The following NSUN3 variants were observed in gnomAD, a reference collection of about 807,000 sequenced individuals.
NSUN3 encodes the protein NOP2/Sun RNA methyltransferase 3.
NSUN3 carries 24 observed loss-of-function variants against 36.8 expected under a neutral mutation model. The ratio of observed to expected loss-of-function variants is 0.65; its 90% confidence interval spans 0.47 to 0.92. The LOEUF is 0.92. Ranked by LOEUF, NSUN3 falls within the 40% of genes least tolerant of loss-of-function variation. NSUN3 has a pLI of 0.00. For missense variants in NSUN3, 381 were observed against 392.8 expected (o/e 0.97, Z 0.25); for synonymous variants, 146 against 145.2 (o/e 1.01, Z -0.04).
In NSUN3 at chr3:94,116,985, C is replaced by CTTTTTTT. The variant is rs60234250; in HGVS notation, c.744-9203_744-9197dup. On this transcript the variant is annotated intron_variant, in intron 5 of 5. Transcript: ENST00000314622. ...TTTAAGCCAAGTGAATCTGCCACAA[C>CTTTTTTT]TTTTTTTTTTTTTTTTTTTTTTTTT... 6.2e-5 allele frequency among the ~76,000 whole-genome samples: 4 copies of CTTTTTTT among 64,004 alleles called. 1 individual carries two copies. Among genetic ancestry groups the CTTTTTTT allele is most frequent in the Admixed American group, 2.3e-4 (1 of 4,258 alleles). The allele number at this position is 64,004 out of a possible 152,430, so 42.0% of individuals were successfully genotyped here.
intron 2 of NSUN3, among the ~76,000 whole-genome samples, chr3:94,069,451 A>T (rs544426824): frequency 1.3e-5 from 2 of 152,352 alleles, no homozygotes; most frequent in South Asian, 4.1e-4. Context: ...TAAATCAAGG[A>T]ATTTCTCTTT....
Position 94,084,362 on chromosome 3 carries a change from T to C in NSUN3, c.378T>C (p.Ala126=). ...LNAASLLPVL[A]LELRDGEKVL... is the part of the protein sequence containing the mutation. The stretch of plus-strand genomic sequence containing the variant: ...CTGCTTCTCTTCTCCCAGTGTTGGC[T>C]CTGGAATTAAGGGATGGGGAGAAGG... Residue 126 remains alanine (A), a synonymous_variant, in exon 3 of 6, where the codon GCT becomes GCC. Transcript: ENST00000314622. The C allele has an allele frequency of 6.2e-7, 1 of 1,614,120 alleles. No homozygotes were observed. Among genetic ancestry groups the C allele is most frequent in the Non-Finnish European group, 8.5e-7 (1 of 1,179,974 alleles).
rs745516691 is a variant in NSUN3, at chr3:94,126,520, ATTATAT to A, written c.*39_*44del. 4 of 1,568,328 alleles carry A rather than the reference ATTATAT, an allele frequency of 2.6e-6. No individual in the cohort carries two copies. Among genetic ancestry groups the A allele is most frequent in the East Asian group, 4.5e-5 (2 of 44,254 alleles). On this transcript the variant is annotated 3_prime_UTR_variant, in exon 6 of 6. Coordinates refer to ENST00000314622, the MANE Select transcript of NSUN3 (RefSeq NM_022072.5). ...AATTTGTAAACTGTGTTTATGTGTT[ATTATAT>A]TTATATTTCTGAACTCAGTACATGT...
At chr3:94,065,454 T>C (rs1560027786) in intron 2 of NSUN3, among the ~76,000 whole-genome samples, 1 of 152,130 alleles carries the variant, frequency 6.6e-6, no homozygotes, top group African/African-American at 2.4e-5. Flanking sequence ...ACATGTTGCA[T>C]GAGGAAAAAA....
chr3:94,119,174 TA>T (rs569061870), intron 5 of NSUN3, among the ~76,000 whole-genome samples: 6 of 152,282 alleles, frequency 3.9e-5, no homozygotes, highest in Admixed American at 3.9e-4. Flanking sequence ...ACTTAGATTT[TA>T]GTAGTGTGCT....
intron 2 of NSUN3, among the ~76,000 whole-genome samples, chr3:94,075,738 C>G (rs528435978): frequency 5.3e-5 from 8 of 152,110 alleles, no homozygotes; most frequent in African/African-American, 7.2e-5. Context: ...AAGCCCCCCC[C>G]CCCAATAATA....
intron 2 of NSUN3, among the ~76,000 whole-genome samples, chr3:94,077,589 G>T (rs1402794897): frequency 1.3e-5 from 2 of 152,100 alleles, no homozygotes; most frequent in Non-Finnish European, 2.9e-5. Context: ...TGGTTGGTAG[G>T]CTATTAATTA....
chr3:94,102,875 AATTT>A (rs957099298), intron 5 of NSUN3, among the ~76,000 whole-genome samples: 110 of 151,656 alleles, frequency 7.3e-4, no homozygotes, highest in African/African-American at 2.6e-3. Context: ...TACTTTTTAA[AATTT>A]ATTTATTTAT....
At chr3:94,069,514 G>T (rs1560028677) in intron 2 of NSUN3, among the ~76,000 whole-genome samples, 1 of 152,134 alleles carries the variant, frequency 6.6e-6, no homozygotes, top group Non-Finnish European at 1.5e-5. Flanking sequence ...TATATTAATT[G>T]TGTTTAACAA....
chr3:94,074,981 C>T (rs1422474107), intron 2 of NSUN3, among the ~76,000 whole-genome samples: 2 of 151,982 alleles, frequency 1.3e-5, no homozygotes, highest in Non-Finnish European at 2.9e-5. Flanking sequence ...TATGATCCAT[C>T]GATACCTAGT....
At chr3:94,077,096 T>G in intron 2 of NSUN3, 1 of 778,184 alleles carries the variant, frequency 1.3e-6, no homozygotes, top group Admixed American at 1.7e-5. Context: ...AAAGGGGTGT[T>G]CTTTTTCCAT....
In NSUN3 at chr3:94,084,111, A is replaced by G; in HGVS notation, c.127A>G (p.Ile43Val). ...LGDAWNTVRE[I>V]LTSPSCWQYA... Reference sequence around the variant, plus strand: ...TTTCTCTTTTTCTATTTCTAGGGAGATACTAACATCTCCATCATGCTGGCA... The same window carrying G: ...TTTCTCTTTTTCTATTTCTAGGGAGGTACTAACATCTCCATCATGCTGGCA... The change falls in exon 3 of 6, where the codon ATA becomes GTA. Residue 43 changes from isoleucine to valine, a missense_variant. Ile to Val is a conservative substitution (Grantham distance 29). Transcript: ENST00000314622. The G allele has an allele frequency of 6.2e-7, 1 of 1,608,980 alleles. No individual in the cohort carries two copies. The highest frequency in any genetic ancestry group is 1.1e-5 in the South Asian group (1 of 90,830).
At chr3:94,105,805 T>A (rs2077386430) in intron 5 of NSUN3, among the ~76,000 whole-genome samples, 2 of 152,062 alleles carry the variant, frequency 1.3e-5, no homozygotes, top group African/African-American at 4.8e-5. Flanking sequence ...AAATCAACTA[T>A]AAGCAATCTC....
chr3:94,128,874 A>G lies in NSUN3; in HGVS notation c.*2384A>G, dbSNP rs147350336. Among the ~76,000 whole-genome samples the G allele has an allele frequency of 2.8e-4, 43 of 152,330 alleles. No individual in the cohort carries two copies. In the East Asian group the frequency reaches 8.3e-3, roughly 29 times the overall value. ...CTCAAAAGAAGACATTCACATGGCC[A>G]ACAAACATATGAAAAAGTGCTCTTC... is the stretch of plus-strand genomic sequence containing the variant. On this transcript the variant is annotated 3_prime_UTR_variant, in exon 6 of 6. Transcript: ENST00000314622.
Position 94,131,165 on chromosome 3 carries a change from AC to A in NSUN3, c.*4676del, listed in dbSNP as rs2077507364. On this transcript the variant is annotated 3_prime_UTR_variant, in exon 6 of 6. Transcript: ENST00000314622. The stretch of plus-strand genomic sequence containing the variant: ...ACCCCTGGCCTCAAGTGATCCTCCC[AC>A]TTCAGCCTCCCAAAGTATTGGGATT... Among the ~76,000 whole-genome samples the A allele has an allele frequency of 6.6e-6, 1 of 151,860 alleles. No individual in the cohort carries two copies. Among genetic ancestry groups the A allele is most frequent in the African/African-American group, 2.4e-5 (1 of 41,298 alleles).
intron 5 of NSUN3, among the ~76,000 whole-genome samples, chr3:94,096,102 G>A (rs144484896): frequency 8.5e-5 from 13 of 152,096 alleles, no homozygotes; most frequent in African/African-American, 2.9e-4. Flanking sequence ...CAATTAAATG[G>A]TGCCTTAATC....
At chr3:94,084,581 A>G (rs1415522830) in intron 3 of NSUN3, 131 bp downstream of exon 3, 2 of 610,120 alleles carry the variant, frequency 3.3e-6, no homozygotes, top group Non-Finnish European at 5.4e-6. Context: ...CTGAGATGCT[A>G]TGGAGAAGAA....
intron 5 of NSUN3, among the ~76,000 whole-genome samples, chr3:94,116,599 A>G (rs2077441120): frequency 6.6e-6 from 1 of 152,102 alleles, no homozygotes; most frequent in Admixed American, 6.5e-5. Flanking sequence ...TTAAGCTTTT[A>G]TTGGATAACT....
At chr3:94,075,922 C>T in intron 2 of NSUN3, 1 of 1,451,926 alleles carries the variant, frequency 6.9e-7, no homozygotes, top group South Asian at 1.1e-5. Context: ...GACCCTTGTC[C>T]TTCTGGATCC....
Sources: gnomAD v4.1 joint callset for allele counts (sites outside exome capture counted in the v4.1 genomes callset) on GRCh38, gnomAD v4.1.1 for gene constraint, MANE v1.5 for transcripts, NCBI Gene and HGNC (gene_info 2026-07-23, HGNC 2026-07-21) for gene names.